DENND2B: variants seen among roughly 807,000 people sequenced by gnomAD.
DENND2B encodes the protein DENN domain-containing protein 2B.
A neutral mutation model predicts 116.0 loss-of-function variants in DENND2B; 32 were observed. The ratio of observed to expected loss-of-function variants is 0.28; its 90% CI spans 0.21 to 0.37. DENND2B has a LOEUF of 0.37. Ranked by LOEUF, DENND2B falls within the 10% of genes least tolerant of loss-of-function variation. The pLI, the probability that DENND2B is intolerant of heterozygous loss-of-function variation, is 1.00. For missense variants in DENND2B, 1,276 were observed against 1,477.7 expected, an observed-to-expected ratio of 0.86 and a Z score of 2.24; for synonymous variants, 588 against 583.9, an observed-to-expected ratio of 1.01 and a Z score of -0.10.
Position 8,712,448 on chromosome 11 carries a change from G to A in DENND2B, c.2172+103C>T. 1.5e-6 allele frequency: 2 copies of A among 1,305,450 alleles called. No homozygotes were observed. Among genetic ancestry groups the A allele is most frequent in the East Asian group, 2.5e-5 (1 of 39,338 alleles). 80.9% of individuals were successfully genotyped at this position (1,305,450 alleles called of 1,614,324 possible). ...GTTCAGGGCTGTGGCAGCTCGGTGAGGACGTATGACGAACAAGATCTCTCT... is the reference window on the plus strand; with the variant it reads ...GTTCAGGGCTGTGGCAGCTCGGTGAAGACGTATGACGAACAAGATCTCTCT... On this transcript the variant is annotated intron_variant, in intron 9 of 19. Transcript: ENST00000313726. This position sits in a 1 kb window ranked among gnomAD's most constrained non-coding sequence, Gnocchi z 4.4.
intron 3 of DENND2B, among the ~76,000 whole-genome samples, chr11:8,850,748 T>C (rs2062976491): frequency 6.6e-6 from 1 of 152,190 alleles, no homozygotes; most frequent in South Asian, 2.1e-4. Flanking sequence ...GCATTATTCA[T>C]AATAGCCAAG....
At chr11:8,884,313 T>C (rs889125101) in intron 1 of DENND2B, among the ~76,000 whole-genome samples, 4 of 151,918 alleles carry the variant, frequency 2.6e-5, no homozygotes, top group Admixed American at 2.6e-4. Context: ...TCGGACTTCC[T>C]TTGTTTTTTT....
At position 8,823,706 on chromosome 11, in the gene DENND2B, G is replaced by A. The variant is rs535238274; in HGVS notation, c.-114-12371C>T. ...ATTCTAAGTTTCCTGAGGCCTCCCA[G>A]ACATGTGGAACTGTGAGTCAATTAA... is the stretch of plus-strand genomic sequence containing the variant. On this transcript the variant is annotated intron_variant, in intron 4 of 6. Coordinates refer to the DENND2B transcript ENST00000524757. Among the ~76,000 whole-genome samples, 164 of 152,236 alleles carry A rather than the reference G, an allele frequency of 1.1e-3. 1 individual carries two copies. The highest frequency in any genetic ancestry group is 1.8e-3 in the Non-Finnish European group (123 of 68,026).
chr11:8,877,064 G>A (rs1278093859), intron 2 of DENND2B, among the ~76,000 whole-genome samples: 4 of 147,984 alleles, frequency 2.7e-5, no homozygotes, highest in African/African-American at 7.5e-5. Flanking sequence ...GTCTTGCTAA[G>A]TCATCCTTCT....
At chr11:8,728,484 T>C (rs1300241155) in intron 3 of DENND2B, among the ~76,000 whole-genome samples, 1 of 152,186 alleles carries the variant, frequency 6.6e-6, no homozygotes, top group Non-Finnish European at 1.5e-5. Context: ...GTTTGCTAAG[T>C]TAATTCTTAC....
intron 1 of DENND2B, among the ~76,000 whole-genome samples, chr11:8,779,644 G>C (rs1361069365): frequency 3.3e-5 from 5 of 151,830 alleles, no homozygotes; most frequent in Non-Finnish European, 7.4e-5. Flanking sequence ...CTCCTGAGTA[G>C]CTGGGATTAT....
At chr11:8,910,782 A>C (rs1308508576) in intron 1 of DENND2B, 2 of 153,136 alleles carry the variant, frequency 1.3e-5, no homozygotes, top group Non-Finnish European at 2.9e-5. Flanking sequence ...GGTACCCCAT[A>C]ATTTTTTAGC....
At chr11:8,699,006 A>G (rs1388923524) in intron 15 of DENND2B, 32 bp from the exon 16 acceptor site, 1 of 1,613,276 alleles carries the variant, frequency 6.2e-7, no homozygotes, top group South Asian at 1.1e-5. Context: ...AGAGTGGCTC[A>G]GGGCATGAGT....
intron 1 of DENND2B, among the ~76,000 whole-genome samples, chr11:8,782,163 G>C (rs1051354092): frequency 6.6e-6 from 1 of 152,006 alleles, no homozygotes; most frequent in African/African-American, 2.4e-5. Context: ...CCATATAATG[G>C]TGCATTATAC....
chr11:8,699,900 A>T, intron 14 of DENND2B: 1 of 456,404 alleles, frequency 2.2e-6, no homozygotes, highest in Non-Finnish European at 4.4e-6. Flanking sequence ...CAGAACAGGA[A>T]GGACATCTTT....
intron 4 of DENND2B, among the ~76,000 whole-genome samples, chr11:8,826,676 A>C (rs559619691): frequency 6.6e-6 from 1 of 152,220 alleles, no homozygotes; most frequent in African/African-American, 2.4e-5. Flanking sequence ...AACATCCTAC[A>C]GGAGAAGATG....
At chr11:8,863,577 C>A (rs118048945) in intron 2 of DENND2B, among the ~76,000 whole-genome samples, 2,958 of 152,154 alleles carry the variant, frequency 0.019, 41 homozygotes, top group Non-Finnish European at 0.032. Context: ...GTCCTGAGTG[C>A]TATTCTAATT....
intron 1 of DENND2B, 68 bp from the exon 2 acceptor site, chr11:8,750,793 A>G: frequency 6.9e-7 from 1 of 1,448,766 alleles, no homozygotes; most frequent in South Asian, 1.2e-5. Flanking sequence ...AACATCTTCC[A>G]GATGACCTCC....
At chr11:8,847,729 G>A (rs1266726982) in intron 3 of DENND2B, among the ~76,000 whole-genome samples, 2 of 152,074 alleles carry the variant, frequency 1.3e-5, no homozygotes, top group Non-Finnish European at 2.9e-5. Context: ...AAACAGAAAC[G>A]TAAGGTCCAT....
At chr11:8,701,357 G>GA (rs2041612645) in intron 14 of DENND2B, among the ~76,000 whole-genome samples, 1 of 23,732 alleles carries the variant, frequency 4.2e-5, no homozygotes, top group African/African-American at 1.9e-4. Context: ...GGGGGGGGGG[G>GA]GGAGGGGCTA....
chr11:8,804,670 G>A (rs187118811), intron 1 of DENND2B, among the ~76,000 whole-genome samples: 220 of 149,148 alleles, frequency 1.5e-3, no homozygotes, highest in African/African-American at 4.5e-3. Context: ...TCAGCCTCCC[G>A]AGTAGCTGGG....
intron 4 of DENND2B, among the ~76,000 whole-genome samples, chr11:8,824,144 T>C (rs2061877233): frequency 6.6e-6 from 1 of 151,996 alleles, no homozygotes; most frequent in Admixed American, 6.6e-5. Flanking sequence ...CCTTGTGATC[T>C]GCCCAACTAG....
chr11:8,903,269 C>T (rs1056569904), intron 1 of DENND2B, among the ~76,000 whole-genome samples: 3 of 151,634 alleles, frequency 2.0e-5, no homozygotes, highest in Non-Finnish European at 2.9e-5. Flanking sequence ...AAAAATTAGT[C>T]GGGTGTGGTG....
rs2045279577 is a variant in DENND2B at position 8,718,031 on chromosome 11, G to A, written c.1478-139C>T. On this transcript the variant is annotated intron_variant, in intron 4 of 19. Transcript: ENST00000313726. ...CCTGGCCCCTCAGCTCATGAGTCAT[G>A]CAGCTGCCCGTCTGCAGTGGGGAGG... 1.8e-5 allele frequency: 16 copies of A among 895,388 alleles called. No individual in the cohort carries two copies. The South Asian group carries it at 2.4e-4, about 13-fold the overall frequency. The allele number at this position is 895,388 out of a possible 1,614,324, so 55.5% of individuals were successfully genotyped here.
Sources: gnomAD v4.1 joint callset for allele counts (sites outside exome capture counted in the v4.1 genomes callset) on GRCh38, gnomAD v4.1.1 for gene constraint, Gnocchi (gnomAD v3.1) non-coding constraint, MANE v1.5 for transcripts, NCBI Gene and HGNC (gene_info 2026-07-23, HGNC 2026-07-21) for gene names.